The following ABCB9 variants were observed in gnomAD, a reference collection of about 807,000 sequenced individuals.
ABCB9 encodes the protein ABC-type oligopeptide transporter ABCB9.
In ABCB9, 36 loss-of-function variants were observed where a neutral mutation model predicts 62.0. The observed-to-expected ratio is 0.58, with a 90% CI of 0.45 to 0.77. The LOEUF is 0.77. Among genes scored for constraint, ABCB9 ranks in the 30% least tolerant of loss-of-function variants. ABCB9 has a pLI of 0.00. For synonymous variants in ABCB9, 435 were observed against 461.4 expected (o/e 0.94, Z 0.73); for missense variants, 943 against 1,054.7 (o/e 0.89, Z 1.47).
chr12:122,921,013 G>A, exon 12 of ABCB9: 1 of 1,534,974 alleles, frequency 6.5e-7, no homozygotes, highest in African/African-American at 1.4e-5. Flanking sequence ...ATCCATCTCG[G>A]TTCTGATATC....
At chr12:122,972,037 CTTTT>C (rs57112984) in intron 1 of ABCB9, among the ~76,000 whole-genome samples, 3 of 99,260 alleles carry the variant, frequency 3.0e-5, no homozygotes, top group Non-Finnish European at 3.8e-5. Context: ...TTCATAATGT[CTTTT>C]TTTTTTTTTT....
chr12:122,919,114 T>C (rs778030827), downstream of ABCB9, among the ~76,000 whole-genome samples: 3 of 152,220 alleles, frequency 2.0e-5, no homozygotes, highest in Admixed American at 6.5e-5. Flanking sequence ...AGTATGTGCA[T>C]ACCACGGTTT....
At chr12:122,928,653 T>C (rs773015475), downstream of ABCB9, among the ~76,000 whole-genome samples, 14 of 151,774 alleles carry the variant, frequency 9.2e-5, no homozygotes, top group African/African-American at 3.4e-4. Flanking sequence ...ACTGCATGGA[T>C]TGGGGTGGGT....
chr12:122,924,703 C>T, downstream of ABCB9: 1 of 1,528,760 alleles, frequency 6.5e-7, no homozygotes. Flanking sequence ...CCGTGCTCCT[C>T]TTCATTCTCT....
chr12:122,963,478 T>C (rs983046096), intron 1 of ABCB9, among the ~76,000 whole-genome samples: 1 of 152,114 alleles, frequency 6.6e-6, no homozygotes, highest in Non-Finnish European at 1.5e-5. Context: ...GTCCTATCAT[T>C]ATCCCCATTT....
chr12:122,970,771 G>A (rs937213241), upstream of ABCB9, among the ~76,000 whole-genome samples: 6 of 152,314 alleles, frequency 3.9e-5, no homozygotes, highest in South Asian at 8.3e-4. Context: ...CAACTATGAT[G>A]TCGTTCAGCA....
At chr12:122,949,729 G>A (rs2036250511) in intron 4 of ABCB9, 59 bp downstream of exon 4, 1 of 1,603,830 alleles carries the variant, frequency 6.2e-7, no homozygotes, top group Admixed American at 1.7e-5. Context: ...TCAGTGCCAG[G>A]CAAGCCCACA....
At chr12:122,938,496 C>T (rs986902914) in intron 9 of ABCB9, among the ~76,000 whole-genome samples, 1 of 152,084 alleles carries the variant, frequency 6.6e-6, no homozygotes. Context: ...TGTGCCACTG[C>T]ACTCCAGCCT....
Position 122,959,645 on chromosome 12 carries a change from C to T in ABCB9, c.591G>A (p.Val197=). The T allele has an allele frequency of 6.4e-7, 1 of 1,559,682 alleles. No homozygotes were observed. Among genetic ancestry groups the T allele is most frequent in the Non-Finnish European group, 8.7e-7 (1 of 1,148,614 alleles). ...FLVAASFFLI[V]AALGETFLPY... ...GAGGTCCTTACTTACCCAGAGCTGC[C>T]ACGATGAGGAAGAAGGAGGCGGCCA... Residue 197 remains valine (V), a synonymous_variant, in exon 2 of 12, where the codon GTG becomes GTA. Coordinates refer to ENST00000280560, the MANE Select transcript of ABCB9 (RefSeq NM_019625.4). This position sits in a 1 kb window ranked among gnomAD's most constrained non-coding sequence, Gnocchi z 5.4.
intron 2 of ABCB9, among the ~76,000 whole-genome samples, chr12:122,958,139 C>T (rs1470298038): frequency 8.1e-6 from 1 of 122,750 alleles, no homozygotes; most frequent in Non-Finnish European, 1.6e-5. Flanking sequence ...CACTGCATTC[C>T]AGCCTGGGTG....
chr12:122,940,706 CAT>C lies in ABCB9; in HGVS notation c.1569+99_1569+100del. ...CCTGGAGGGCAATGATCTTGCCTGACATATTCCCAGCTGCCCTGCCACAGCCT... is the reference window on the plus strand; with the variant it reads ...CCTGGAGGGCAATGATCTTGCCTGACATTCCCAGCTGCCCTGCCACAGCCT... On this transcript the variant is annotated intron_variant, in intron 8 of 11. Coordinates refer to ENST00000280560, the MANE Select transcript of ABCB9 (RefSeq NM_019625.4). This position sits in a 1 kb window ranked among gnomAD's most constrained non-coding sequence, Gnocchi z 4.8. 1 of 1,388,084 alleles carries C rather than the reference CAT, an allele frequency of 7.2e-7. No individual in the cohort carries two copies. The highest frequency in any genetic ancestry group is 2.1e-4 in the Middle Eastern group (1 of 4,878). The allele number at this position is 1,388,084 out of a possible 1,614,324, so 86.0% of individuals were successfully genotyped here.
In ABCB9 at chr12:122,945,934, A is replaced by T. The variant is rs1251886615; in HGVS notation, c.1251+91T>A. On this transcript the variant is annotated intron_variant, in intron 6 of 11. Transcript: ENST00000280560. ...CAGATTCTCCACCAGCTTGACACCAACATGCAGGACTGATGTCCTAGATCG... is the reference window on the plus strand; with the variant it reads ...CAGATTCTCCACCAGCTTGACACCATCATGCAGGACTGATGTCCTAGATCG... 7 of 1,302,374 alleles carry T rather than the reference A, an allele frequency of 5.4e-6. No homozygotes were observed. The African/African-American group carries it at 5.9e-5, about 11-fold the overall frequency. The allele number at this position is 1,302,374 out of a possible 1,614,324, so 80.7% of individuals were successfully genotyped here.
chr12:122,919,378 C>G (rs1405326492), downstream of ABCB9, among the ~76,000 whole-genome samples: 1 of 152,032 alleles, frequency 6.6e-6, no homozygotes, highest in Non-Finnish European at 1.5e-5. Flanking sequence ...CACTATGTTG[C>G]CCAGGCTGTT....
intron 2 of ABCB9, among the ~76,000 whole-genome samples, chr12:122,954,857 T>A (rs2036545781): frequency 6.6e-6 from 1 of 152,146 alleles, no homozygotes; most frequent in African/African-American, 2.4e-5. Flanking sequence ...AATGGGTGGT[T>A]TTTTGTTTTT....
chr12:122,929,472 A>G lies in ABCB9; in HGVS notation c.*439T>C, dbSNP rs1371876697. On this transcript the variant is annotated 3_prime_UTR_variant, in exon 12 of 12. Transcript: ENST00000280560. This position sits in a 1 kb window ranked among gnomAD's most constrained non-coding sequence, Gnocchi z 6.0. ...CTGGAGGGGTAAAGGGGAGAGGCCT[A>G]GTCTCTGGACATCCCCCAGGCTACT... is the stretch of plus-strand genomic sequence containing the variant. The G allele has an allele frequency of 1.0e-5, 10 of 990,678 alleles. No homozygotes were observed. Among genetic ancestry groups the G allele is most frequent in the Non-Finnish European group, 1.2e-5 (10 of 833,478 alleles). The allele number at this position is 990,678 out of a possible 1,614,324, so 61.4% of individuals were successfully genotyped here. A position where few individuals can be genotyped will look rare whatever the true frequency, so the allele number is the denominator to read the frequency against.
At chr12:122,948,545 G>T in intron 5 of ABCB9, 79 bp downstream of exon 5, 1 of 1,334,790 alleles carries the variant, frequency 7.5e-7, no homozygotes. Flanking sequence ...AGCCCTTAGT[G>T]GCCCCCTGAG....
At chr12:122,935,562 T>A (rs928752481) in intron 9 of ABCB9, 131 bp from the exon 10 acceptor site, 5 of 1,026,758 alleles carry the variant, frequency 4.9e-6, no homozygotes, top group Non-Finnish European at 6.9e-6. Flanking sequence ...GCCCAGTGAC[T>A]GCACTGAGCT....
At chr12:122,939,115 T>A (rs1594001211) in intron 9 of ABCB9, among the ~76,000 whole-genome samples, 1 of 152,206 alleles carries the variant, frequency 6.6e-6, no homozygotes, top group Non-Finnish European at 1.5e-5. Context: ...GAGGCTGCAG[T>A]GAGCTGAGAT....
At chr12:122,927,717 C>T (rs1217713791), downstream of ABCB9, among the ~76,000 whole-genome samples, 2 of 152,106 alleles carry the variant, frequency 1.3e-5, no homozygotes, top group African/African-American at 4.8e-5. Context: ...CCAGGAAGCC[C>T]CTTGCGAGGG....
Sources: allele counts gnomAD v4.1 joint callset (sites outside exome capture counted in the v4.1 genomes callset), GRCh38; gene constraint gnomAD v4.1.1; non-coding constraint Gnocchi (gnomAD v3.1); transcripts MANE v1.5; gene names NCBI Gene and HGNC (gene_info 2026-07-23, HGNC 2026-07-21).